Variants in KIAA1191 observed in about 807,000 individuals in gnomAD.
KIAA1191 encodes the protein putative monooxygenase p33MONOX.
In KIAA1191, 22 loss-of-function variants were observed where a neutral mutation model predicts 31.1. The observed-to-expected ratio is 0.71, with a 90% confidence interval of 0.51 to 1.01. The LOEUF is 1.01. Ranked by LOEUF, KIAA1191 falls within the 50% of genes least tolerant of loss-of-function variation. KIAA1191 has a pLI of 0.00. For missense variants in KIAA1191, 319 were observed against 388.0 expected (o/e 0.82, Z 1.49); for synonymous variants, 130 against 143.9 (o/e 0.90, Z 0.69).
Position 176,348,188 on chromosome 5 carries a change from A to T in KIAA1191, c.566+62T>A. Reference sequence around the variant, plus strand: ...AAACCACAGGCTTAAATACAACCTCATCTGCCACACTAGCTTTCCTGAAGC... The same window carrying T: ...AAACCACAGGCTTAAATACAACCTCTTCTGCCACACTAGCTTTCCTGAAGC... On this transcript the variant is annotated intron_variant, in intron 7 of 8. Coordinates refer to ENST00000298569, the MANE Select transcript of KIAA1191 (RefSeq NM_020444.5). 1.9e-6 allele frequency: 3 copies of T among 1,595,906 alleles called. No individual in the cohort carries two copies. The South Asian group carries it at 3.3e-5, about 18-fold the overall frequency.
chr5:176,359,083 C>CAAA (rs70991539), intron 3 of KIAA1191, among the ~76,000 whole-genome samples: 3 of 51,886 alleles, frequency 5.8e-5, no homozygotes, highest in African/African-American at 7.7e-5. Context: ...GACTCTGTCT[C>CAAA]AAAAAAAAAA....
chr5:176,355,744 CAA>C lies in KIAA1191; in HGVS notation c.32_33del (p.Leu11ArgfsTer3). On this transcript the variant is annotated frameshift_variant, in exon 4 of 9. Coordinates refer to ENST00000298569, the MANE Select transcript of KIAA1191 (RefSeq NM_020444.5). LOFTEE classifies it high-confidence loss of function. This position sits in a 1 kb window ranked among gnomAD's most constrained non-coding sequence, Gnocchi z 4.2. Reference sequence around the variant, plus strand: ...ATCTTGCCTAGAGGCGCACTAGCCTCAAGAGCTAAGAACAGAGACACCTGTCA... The same window carrying C: ...ATCTTGCCTAGAGGCGCACTAGCCTCGAGCTAAGAACAGAGACACCTGTCA... MASRQPEVPA[L>X]EASAPLGKMS... 1 of 1,614,048 alleles carries C rather than the reference CAA, an allele frequency of 6.2e-7. No individual in the cohort carries two copies. Among genetic ancestry groups the C allele is most frequent in the South Asian group, 1.1e-5 (1 of 91,076 alleles).
intron 6 of KIAA1191, among the ~76,000 whole-genome samples, 159 bp downstream of exon 6, chr5:176,350,454 C>T (rs556412106): frequency 6.6e-6 from 1 of 152,340 alleles, no homozygotes; most frequent in Admixed American, 6.5e-5. Flanking sequence ...AGACACCCCA[C>T]TGTATAGGTG....
At chr5:176,348,207 C>G in intron 7 of KIAA1191, 43 bp downstream of exon 7, 3 of 1,605,704 alleles carry the variant, frequency 1.9e-6, no homozygotes, top group Non-Finnish European at 2.6e-6. Flanking sequence ...ACTAGCTTTC[C>G]TGAAGCACGC....
chr5:176,354,028 C>T (rs775817670), intron 4 of KIAA1191, among the ~76,000 whole-genome samples: 1 of 152,228 alleles, frequency 6.6e-6, no homozygotes, highest in Non-Finnish European at 1.5e-5. Context: ...AAGGAGCTGT[C>T]TGCCCTGAAA....
rs1279878652 is a variant in KIAA1191, at chr5:176,361,232, G to A, written c.-168+370C>T. The A allele has an allele frequency of 6.6e-6, 1 of 152,194 alleles. No individual in the cohort carries two copies. The highest frequency in any genetic ancestry group is 2.4e-5 in the African/African-American group (1 of 41,412). 9.4% of individuals were successfully genotyped at this position (152,194 alleles called of 1,614,324 possible). A position where few individuals can be genotyped will look rare whatever the true frequency, so the allele number is the denominator to read the frequency against. Reference sequence around the variant, plus strand: ...CGGTGCCGCCAGGATACGAAAGGCCGGCTGCTTCACCCACCCCTCCAGGCT... The same window carrying A: ...CGGTGCCGCCAGGATACGAAAGGCCAGCTGCTTCACCCACCCCTCCAGGCT... On this transcript the variant is annotated intron_variant, in intron 1 of 8. Transcript: ENST00000298569. This position sits in a 1 kb window ranked among gnomAD's most constrained non-coding sequence, Gnocchi z 4.0.
rs751417136 is a variant in KIAA1191, at chr5:176,355,724, G to A, written c.54C>T (p.Gly18=). 1.9e-6 allele frequency: 3 copies of A among 1,614,010 alleles called. No homozygotes were observed. Among genetic ancestry groups the A allele is most frequent in the Non-Finnish European group, 1.7e-6 (2 of 1,180,036 alleles). ...VPALEASAPL[G]KMSLPIGIYR... is the part of the protein sequence containing the mutation. ...ATATCCCGATGGGCAGGGACATCTT[G>A]CCTAGAGGCGCACTAGCCTCAAGAG... Residue 18 remains glycine (G), a synonymous_variant, in exon 4 of 9, where the codon GGC becomes GGT. Transcript: ENST00000298569. This position sits in a 1 kb window ranked among gnomAD's most constrained non-coding sequence, Gnocchi z 4.2.
At position 176,355,765 on chromosome 5, in the gene KIAA1191, C is replaced by A. The variant is rs916662023; in HGVS notation, c.29-16G>T. 7 of 1,613,482 alleles carry A rather than the reference C, an allele frequency of 4.3e-6. No individual in the cohort carries two copies. Among genetic ancestry groups the A allele is most frequent in the African/African-American group, 1.3e-5 (1 of 74,924 alleles). ...GCCTCAAGAGCTAAGAACAGAGACA[C>A]CTGTCAAGACAGGTTCAGCAACTGG... On this transcript the variant is annotated splice_polypyrimidine_tract_variant and intron_variant, in intron 3 of 8. Coordinates refer to ENST00000298569, the MANE Select transcript of KIAA1191 (RefSeq NM_020444.5). The surrounding 1 kb of genome is among the most constrained non-coding windows in gnomAD (Gnocchi z 4.2).
rs920318242 is a variant in KIAA1191, at chr5:176,347,083, A to G, written c.*517T>C. ...ACACCCGTGCTGAGAATATTAGTCT[A>G]ACTTTAAAGCAGTACAAAATGGCTT... On this transcript the variant is annotated 3_prime_UTR_variant, in exon 9 of 9. Coordinates refer to ENST00000298569, the MANE Select transcript of KIAA1191 (RefSeq NM_020444.5). 1 of 152,254 alleles carries G rather than the reference A, an allele frequency of 6.6e-6. No homozygotes were observed. Among genetic ancestry groups the G allele is most frequent in the Non-Finnish European group, 1.5e-5 (1 of 68,052 alleles). 9.4% of individuals were successfully genotyped at this position (152,254 alleles called of 1,614,324 possible). A position where few individuals can be genotyped will look rare whatever the true frequency, so the allele number is the denominator to read the frequency against.
At chr5:176,351,227 G>A (rs928993287) in intron 5 of KIAA1191, among the ~76,000 whole-genome samples, 3 of 151,624 alleles carry the variant, frequency 2.0e-5, no homozygotes, top group Non-Finnish European at 4.4e-5. Flanking sequence ...TGTAGTCCCA[G>A]CTACTCGGGA....
Position 176,359,559 on chromosome 5 carries a change from C to T in KIAA1191, c.-51G>A. 1 of 1,409,124 alleles carries T rather than the reference C, an allele frequency of 7.1e-7. No individual in the cohort carries two copies. Among genetic ancestry groups the T allele is most frequent in the Non-Finnish European group, 1.0e-6 (1 of 993,708 alleles). 87.3% of individuals were successfully genotyped at this position (1,409,124 alleles called of 1,614,324 possible). A position where few individuals can be genotyped will look rare whatever the true frequency, so the allele number is the denominator to read the frequency against. ...TTCTATACAGAATTCCGAGCTGAGTCCCTGCCACCTAATAAAATAACAAAG... is the reference window on the plus strand; with the variant it reads ...TTCTATACAGAATTCCGAGCTGAGTTCCTGCCACCTAATAAAATAACAAAG... On this transcript the variant is annotated 5_prime_UTR_variant, in exon 3 of 9. Coordinates refer to ENST00000298569, the MANE Select transcript of KIAA1191 (RefSeq NM_020444.5).
chr5:176,350,671 G>C lies in KIAA1191; in HGVS notation c.401C>G (p.Pro134Arg). ...QAGLRDAGYT[P>R]HKGLTTEETK... Reference sequence around the variant, plus strand: ...CTCCTCGGTGGTGAGGCCCTTGTGGGGTGTGTAGCCAGCATCTCTCAGCCC... The same window carrying C: ...CTCCTCGGTGGTGAGGCCCTTGTGGCGTGTGTAGCCAGCATCTCTCAGCCC... Residue 134 changes from proline (P) to arginine (R), a missense_variant, in exon 6 of 9, where the codon CCC (proline) becomes CGC (arginine). By Grantham distance (103) the Pro-to-Arg change is moderately radical (BLOSUM62 -2). Transcript: ENST00000298569. 6.2e-7 allele frequency: 1 copy of C among 1,614,000 alleles called. No individual in the cohort carries two copies. Among genetic ancestry groups the C allele is most frequent in the Non-Finnish European group, 8.5e-7 (1 of 1,180,004 alleles).
chr5:176,356,111 T>G (rs1026334343), intron 3 of KIAA1191: 18 of 240,914 alleles, frequency 7.5e-5, no homozygotes, highest in African/African-American at 4.0e-4. Flanking sequence ...ATTCTAGGCA[T>G]GTGCCACCAT....
At chr5:176,349,766 G>A (rs536112099) in intron 6 of KIAA1191, among the ~76,000 whole-genome samples, 6 of 152,200 alleles carry the variant, frequency 3.9e-5, no homozygotes, top group East Asian at 3.9e-4. Flanking sequence ...TTCCTGCGTC[G>A]TGTGCTCTCC....
intron 8 of KIAA1191, 44 bp downstream of exon 8, chr5:176,347,877 A>C (rs775615423): frequency 6.2e-7 from 1 of 1,613,256 alleles, no homozygotes; most frequent in South Asian, 1.1e-5. Flanking sequence ...CAATATGGTA[A>C]GATGTCTGCC....
Position 176,359,540 on chromosome 5 carries a change from A to C in KIAA1191, c.-32T>G. 6.3e-7 allele frequency: 1 copy of C among 1,596,154 alleles called. No individual in the cohort carries two copies. The highest frequency in any genetic ancestry group is 1.1e-5 in the South Asian group (1 of 90,668). ...ACTGGGATCCAGGTGCTTTTTCTAT[A>C]CAGAATTCCGAGCTGAGTCCCTGCC... On this transcript the variant is annotated 5_prime_UTR_variant, in exon 3 of 9. Coordinates refer to ENST00000298569, the MANE Select transcript of KIAA1191 (RefSeq NM_020444.5).
At position 176,352,717 on chromosome 5, in the gene KIAA1191, G is replaced by A. The variant is rs1311989395; in HGVS notation, c.239C>T (p.Pro80Leu). 2 of 1,613,878 alleles carry A rather than the reference G, an allele frequency of 1.2e-6. No individual in the cohort carries two copies. The highest frequency in any genetic ancestry group is 2.2e-5 in the South Asian group (2 of 91,076). Residue 80 changes from proline to leucine, a missense_variant, in exon 5 of 9, where the codon CCT becomes CTT. Coordinates refer to ENST00000298569, the MANE Select transcript of KIAA1191 (RefSeq NM_020444.5). ...AATGGCTGATGACAGGGTCATGGCA[G>A]GGGAGGGTAGACTGGCCTCTCCTTC... ...VEEGEASLPS[P>L]AMTLSSAIDS...
chr5:176,357,896 T>C (rs1221915963), intron 3 of KIAA1191, among the ~76,000 whole-genome samples: 3 of 152,234 alleles, frequency 2.0e-5, no homozygotes, highest in African/African-American at 7.2e-5. Context: ...AATATGTTCA[T>C]ATAAAGACAG....
At chr5:176,360,891 A>G (rs1330367260) in intron 1 of KIAA1191, among the ~76,000 whole-genome samples, 3 of 152,206 alleles carry the variant, frequency 2.0e-5, no homozygotes, top group African/African-American at 7.2e-5. Context: ...AAATTTGTCC[A>G]CGGTCACAGA....
Sources: gnomAD v4.1 joint callset for allele counts (sites outside exome capture counted in the v4.1 genomes callset) on GRCh38, gnomAD v4.1.1 for gene constraint, Gnocchi (gnomAD v3.1) non-coding constraint, MANE v1.5 for transcripts, NCBI Gene and HGNC (gene_info 2026-07-23, HGNC 2026-07-21) for gene names.